The following SLCO3A1 variants were observed in gnomAD, a reference collection of about 807,000 sequenced individuals.
SLCO3A1 encodes solute carrier organic anion transporter family member 3A1, also known as PGE1 transporter.
SLCO3A1 carries 27 observed loss-of-function variants against 63.1 expected under a neutral mutation model. The observed-to-expected ratio is 0.43, with a 90% confidence interval of 0.32 to 0.59. SLCO3A1 has a LOEUF of 0.59. Ranked by LOEUF, SLCO3A1 falls within the 20% of genes least tolerant of loss-of-function variation. The probability of loss-of-function intolerance (pLI) is 0.09; values close to 1 mark genes in which losing one functional copy is unlikely to be tolerated. For missense variants in SLCO3A1, 773 were observed against 945.8 expected (o/e 0.82, Z 2.40); for synonymous variants, 473 against 409.9 (o/e 1.15, Z -1.86).
intron 2 of SLCO3A1, among the ~76,000 whole-genome samples, chr15:91,947,016 T>C (rs1380087654): frequency 6.6e-6 from 1 of 152,202 alleles, no homozygotes; most frequent in East Asian, 1.9e-4. Context: ...TCCCCAGTCA[T>C]ACCCCTTAAA....
At chr15:92,089,908 C>T (rs750863214) in intron 2 of SLCO3A1, among the ~76,000 whole-genome samples, 3 of 152,136 alleles carry the variant, frequency 2.0e-5, no homozygotes, top group Non-Finnish European at 2.9e-5. Flanking sequence ...TGGTTCACAG[C>T]GTCCTGAGTC....
chr15:91,975,016 T>A (rs1901044694), intron 2 of SLCO3A1, among the ~76,000 whole-genome samples: 1 of 152,216 alleles, frequency 6.6e-6, no homozygotes, highest in South Asian at 2.1e-4. Context: ...GCAGTTCCTA[T>A]CTGTAAAATG....
intron 2 of SLCO3A1, among the ~76,000 whole-genome samples, chr15:91,957,170 TAGTAGAGACGGGG>T: frequency 1.0e-5 from 1 of 96,756 alleles, no homozygotes; most frequent in Non-Finnish European, 1.9e-5. Flanking sequence ...TTTTTTTTTT[TAGTAGAGACGGGG>T]TTTTACTGTG....
chr15:91,922,130 A>G (rs1363872994), intron 2 of SLCO3A1, among the ~76,000 whole-genome samples: 1 of 152,224 alleles, frequency 6.6e-6, no homozygotes, highest in Non-Finnish European at 1.5e-5. Flanking sequence ...AAGAATGCAG[A>G]TTGGGATCAA....
intron 1 of SLCO3A1, among the ~76,000 whole-genome samples, chr15:91,876,979 C>A (rs572343004): frequency 6.6e-6 from 1 of 152,360 alleles, no homozygotes; most frequent in African/African-American, 2.4e-5. Context: ...CCAAATGGAT[C>A]TGATTCAAAT....
At chr15:92,156,184 G>A (rs57180217) in intron 9 of SLCO3A1, among the ~76,000 whole-genome samples, 2,447 of 152,328 alleles carry the variant, frequency 0.016, 68 homozygotes, top group African/African-American at 0.055. Context: ...GTTAAGTGCT[G>A]CTTTGGAAGA....
intron 2 of SLCO3A1, among the ~76,000 whole-genome samples, chr15:91,947,225 C>CTGTCGAG (rs1466556916): frequency 6.6e-6 from 1 of 152,228 alleles, no homozygotes; most frequent in Non-Finnish European, 1.5e-5. Flanking sequence ...TCTAATCATA[C>CTGTCGAG]GACCCCTCCT....
intron 2 of SLCO3A1, among the ~76,000 whole-genome samples, chr15:91,949,500 T>G (rs1251690609): frequency 6.6e-6 from 1 of 151,878 alleles, no homozygotes; most frequent in Non-Finnish European, 1.5e-5. Flanking sequence ...CGTGGTGGTA[T>G]GTACCTGTAA....
rs559603121 is a variant in SLCO3A1, at chr15:91,859,427, A to G, written c.180+5339A>G. ...AAATGAATTGATGTGATTCAAAGAC[A>G]CTTGTATTTTATGTAGCCTAAGTGT... On this transcript the variant is annotated intron_variant, in intron 1 of 9. Coordinates refer to ENST00000318445, the MANE Select transcript of SLCO3A1 (RefSeq NM_013272.4). The surrounding 1 kb of genome is among the most constrained non-coding windows in gnomAD (Gnocchi z 5.1). Among the ~76,000 whole-genome samples, 11 of 152,340 alleles carry G rather than the reference A, an allele frequency of 7.2e-5. No homozygotes were observed. Among genetic ancestry groups the G allele is most frequent in the African/African-American group, 2.6e-4 (11 of 41,574 alleles).
chr15:91,988,682 C>CT (rs1427929654), intron 2 of SLCO3A1, among the ~76,000 whole-genome samples: 1 of 151,366 alleles, frequency 6.6e-6, no homozygotes, highest in Non-Finnish European at 1.5e-5. Flanking sequence ...TGTAATAACT[C>CT]TAAGGTGGAG....
intron 2 of SLCO3A1, among the ~76,000 whole-genome samples, chr15:92,025,385 TG>T (rs1321387550): frequency 6.6e-6 from 1 of 152,128 alleles, no homozygotes; most frequent in East Asian, 1.9e-4. Context: ...GAGAAATGTA[TG>T]GGGGACACCA....
intron 1 of SLCO3A1, among the ~76,000 whole-genome samples, chr15:91,873,563 C>CAT (rs1555445592): frequency 6.4e-4 from 94 of 146,410 alleles, no homozygotes; most frequent in East Asian, 1.4e-3. Context: ...CACACACACA[C>CAT]ACATACATAC....
At chr15:91,858,337 A>G (rs1257193363) in intron 1 of SLCO3A1, among the ~76,000 whole-genome samples, 1 of 152,208 alleles carries the variant, frequency 6.6e-6, no homozygotes, top group African/African-American at 2.4e-5. Flanking sequence ...TGCCATTTCC[A>G]TAATTACTAT....
intron 2 of SLCO3A1, among the ~76,000 whole-genome samples, chr15:91,963,551 T>A (rs554829610): frequency 6.6e-6 from 1 of 152,284 alleles, no homozygotes; most frequent in Admixed American, 6.5e-5. Context: ...TTGCAGTAGA[T>A]ATTAATTGTA....
Position 92,158,675 on chromosome 15 carries a change from G to C in SLCO3A1, c.1754-4081G>C, listed in dbSNP as rs1679634030. Among the ~76,000 whole-genome samples, 8 of 152,182 alleles carry C rather than the reference G, an allele frequency of 5.3e-5. No homozygotes were observed. In the South Asian group the frequency reaches 1.7e-3, roughly 32 times the overall value. On this transcript the variant is annotated intron_variant, in intron 9 of 9. Transcript: ENST00000318445. ...AGTGACGAACATATAAGGATGTGGG[G>C]CTGGGCGTGAAAATGAGTCACCAAG... is the stretch of plus-strand genomic sequence containing the variant.
chr15:92,166,037 GGTTTTGTTTTGTTTTTTGTTTT>G (rs1004030427), downstream of SLCO3A1: 22 of 370,418 alleles, frequency 5.9e-5, no homozygotes, highest in Admixed American at 5.9e-4. Flanking sequence ...AGAAGGTTTG[GGTTTTGTTTTGTTTTTTGTTTT>G]GTTTTGTTTT....
intron 1 of SLCO3A1, among the ~76,000 whole-genome samples, chr15:91,902,806 A>T (rs902032623): frequency 6.6e-6 from 1 of 152,136 alleles, no homozygotes; most frequent in Non-Finnish European, 1.5e-5. Context: ...CTGGCACCGG[A>T]TTGCCTGGGC....
chr15:91,916,169 C>A lies in SLCO3A1; in HGVS notation c.357C>A (p.Gly119=), dbSNP rs765260047. Residue 119 remains glycine, a synonymous_variant, in exon 2 of 10, where the codon GGC becomes GGA. Transcript: ENST00000318445. This position sits in a 1 kb window ranked among gnomAD's most constrained non-coding sequence, Gnocchi z 6.2. ...GCGGCGGCATCGTCATGGCGCTGGGCGCGCTGCTGTCGGCGCTGCCCGAGT... is the reference window on the plus strand; with the variant it reads ...GCGGCGGCATCGTCATGGCGCTGGGAGCGCTGCTGTCGGCGCTGCCCGAGT... ...IGCGGIVMAL[G]ALLSALPEFL... The A allele has an allele frequency of 6.2e-7, 1 of 1,604,282 alleles. No individual in the cohort carries two copies. Among genetic ancestry groups the A allele is most frequent in the African/African-American group, 1.3e-5 (1 of 74,902 alleles).
At chr15:91,931,821 A>ACACACACACACACT (rs1323570307) in intron 2 of SLCO3A1, among the ~76,000 whole-genome samples, 2 of 151,262 alleles carry the variant, frequency 1.3e-5, no homozygotes, top group Non-Finnish European at 1.5e-5. Flanking sequence ...ACACACACAC[A>ACACACACACACACT]CTCACACAGG....
Sources: gnomAD v4.1 joint callset for allele counts (sites outside exome capture counted in the v4.1 genomes callset) on GRCh38, gnomAD v4.1.1 for gene constraint, Gnocchi (gnomAD v3.1) non-coding constraint, MANE v1.5 for transcripts, NCBI Gene and HGNC (gene_info 2026-07-23, HGNC 2026-07-21) for gene names.